TMOD3: variants seen among roughly 807,000 people sequenced by gnomAD.
TMOD3 encodes tropomodulin-3.
In TMOD3, 20 loss-of-function variants were observed where a neutral mutation model predicts 39.2. The ratio of observed to expected loss-of-function variants is 0.51; its 90% confidence interval spans 0.36 to 0.74. The LOEUF (loss-of-function observed/expected upper bound fraction) is 0.74. Ranked by LOEUF, TMOD3 falls within the 30% of genes least tolerant of loss-of-function variation. TMOD3 has a pLI of 0.00. For missense variants in TMOD3, 381 were observed against 412.8 expected, an observed-to-expected ratio of 0.92 and a Z score of 0.67; for synonymous variants, 143 against 145.8, an observed-to-expected ratio of 0.98 and a Z score of 0.14.
At chr15:51,902,158 T>A in intron 9 of TMOD3, 122 bp downstream of exon 9, 1 of 1,154,472 alleles carries the variant, frequency 8.7e-7, no homozygotes, top group South Asian at 1.5e-5. Flanking sequence ...TTCTAAAATC[T>A]GCATGGTCCT....
rs1290218111 is a variant in TMOD3 at position 51,838,158 on chromosome 15, T to C, written c.-75+8322T>C. Among the ~76,000 whole-genome samples the C allele has an allele frequency of 3.7e-4, 57 of 152,156 alleles. 1 individual carries two copies. Among genetic ancestry groups the C allele is most frequent in the Admixed American group, 3.7e-3 (56 of 15,270 alleles). On this transcript the variant is annotated intron_variant, in intron 1 of 9. Coordinates refer to ENST00000308580, the MANE Select transcript of TMOD3 (RefSeq NM_014547.5). ...TTCTTGCCCTGGATTCCCTCCCAGC[T>C]CCAACCTTTTTCAGCCTGTGCTTTG...
chr15:51,895,001 C>CA (rs1414542225), intron 6 of TMOD3, among the ~76,000 whole-genome samples: 1 of 152,126 alleles, frequency 6.6e-6, no homozygotes, highest in African/African-American at 2.4e-5. Flanking sequence ...AAAGTAAACT[C>CA]AAATTATCTA....
chr15:51,855,480 CT>C (rs1446013233), intron 1 of TMOD3, among the ~76,000 whole-genome samples: 5 of 152,220 alleles, frequency 3.3e-5, no homozygotes, highest in African/African-American at 1.2e-4. Flanking sequence ...ATTAAAAATT[CT>C]TAAGCTTTGC....
intron 1 of TMOD3, among the ~76,000 whole-genome samples, chr15:51,853,683 C>T (rs974030755): frequency 1.3e-5 from 2 of 151,588 alleles, no homozygotes; most frequent in African/African-American, 2.4e-5. Flanking sequence ...ATGTCTTATG[C>T]TGGTAGTCCT....
intron 3 of TMOD3, among the ~76,000 whole-genome samples, chr15:51,876,990 G>A (rs988570585): frequency 1.3e-5 from 2 of 152,052 alleles, no homozygotes; most frequent in East Asian, 1.9e-4. Context: ...TTGAGCCTAC[G>A]AGTTCATTGC....
chr15:51,866,274 GCAAGA>G (rs2056444992), intron 2 of TMOD3, among the ~76,000 whole-genome samples: 1 of 152,058 alleles, frequency 6.6e-6, no homozygotes, highest in African/African-American at 2.4e-5. Flanking sequence ...GGGCAACATA[GCAAGA>G]CCTTGCCTCG....
Position 51,893,898 on chromosome 15 carries a change from A to G in TMOD3, c.580A>G (p.Lys194Glu), listed in dbSNP as rs776617317. The G allele has an allele frequency of 2.5e-6, 4 of 1,609,786 alleles. No homozygotes were observed. Among genetic ancestry groups the G allele is most frequent in the Non-Finnish European group, 2.5e-6 (3 of 1,177,682 alleles). ...TGTAGAAGAGAGTTTGAAGAGAACT[A>G]AAGAAAACGATGCTCATCTTGTTGA... ...TNVEESLKRT[K>E]ENDAHLVEVN... is the part of the protein sequence containing the mutation. Residue 194 changes from lysine (K) to glutamate (E), a missense_variant, in exon 6 of 10, where the codon AAA becomes GAA. Transcript: ENST00000308580.
chr15:51,863,523 A>G (rs1444142571), intron 2 of TMOD3, among the ~76,000 whole-genome samples: 5 of 152,270 alleles, frequency 3.3e-5, no homozygotes, highest in African/African-American at 1.2e-4. Flanking sequence ...ACTGTGGAGC[A>G]GACATGAATA....
chr15:51,855,726 T>G (rs1490676528), intron 1 of TMOD3, among the ~76,000 whole-genome samples: 1 of 152,204 alleles, frequency 6.6e-6, no homozygotes, highest in African/African-American at 2.4e-5. Context: ...CATTCAGAAT[T>G]TGTTCCTCTT....
chr15:51,863,611 A>G (rs1488724253), intron 2 of TMOD3, among the ~76,000 whole-genome samples: 1 of 152,170 alleles, frequency 6.6e-6, no homozygotes, highest in African/African-American at 2.4e-5. Flanking sequence ...GACACCCATG[A>G]CCCTTGAATT....
chr15:51,899,738 G>A (rs1251775168), intron 7 of TMOD3, among the ~76,000 whole-genome samples: 1 of 151,914 alleles, frequency 6.6e-6, no homozygotes, highest in Admixed American at 6.5e-5. Flanking sequence ...AAAAATATTT[G>A]GAAAAAAATT....
chr15:51,849,324 C>T (rs911700569), intron 1 of TMOD3, among the ~76,000 whole-genome samples: 1 of 152,088 alleles, frequency 6.6e-6, no homozygotes, highest in Non-Finnish European at 1.5e-5. Context: ...ATTTGAGAAA[C>T]CTGTTAGCCA....
At chr15:51,830,430 C>G (rs564510493) in intron 1 of TMOD3, among the ~76,000 whole-genome samples, 1 of 152,256 alleles carries the variant, frequency 6.6e-6, no homozygotes, top group East Asian at 1.9e-4. Context: ...GTGACTGTGT[C>G]GTTATATTTT....
intron 1 of TMOD3, among the ~76,000 whole-genome samples, chr15:51,837,573 A>C (rs542529122): frequency 1.5e-4 from 23 of 152,194 alleles, no homozygotes; most frequent in African/African-American, 5.3e-4. Context: ...GTTGTCCCTA[A>C]GATTTACAGT....
At chr15:51,830,529 T>G (rs1268064997) in intron 1 of TMOD3, among the ~76,000 whole-genome samples, 4 of 152,204 alleles carry the variant, frequency 2.6e-5, no homozygotes, top group Admixed American at 1.3e-4. Flanking sequence ...TTTTTTTCTT[T>G]TTAATGTTTA....
At chr15:51,886,923 T>C (rs1213374883) in intron 3 of TMOD3, among the ~76,000 whole-genome samples, 2 of 152,128 alleles carry the variant, frequency 1.3e-5, no homozygotes, top group South Asian at 2.1e-4. Flanking sequence ...TGTTGCTTAA[T>C]AATAAGAAAT....
rs2056702113 is a variant in TMOD3, at chr15:51,910,012, A to AT, written c.*1203dup. 1 of 152,258 alleles carries AT rather than the reference A, an allele frequency of 6.6e-6. No individual in the cohort carries two copies. Among genetic ancestry groups the AT allele is most frequent in the African/African-American group, 2.4e-5 (1 of 41,464 alleles). The allele number at this position is 152,258 out of a possible 1,614,324, so 9.4% of individuals were successfully genotyped here. The stretch of plus-strand genomic sequence containing the variant: ...TCAAAGTATTAAGGTGAACAATTGA[A>AT]TAGAGTACTGTGGTCGGGAGACTGA... On this transcript the variant is annotated 3_prime_UTR_variant, in exon 10 of 10. Coordinates refer to ENST00000308580, the MANE Select transcript of TMOD3 (RefSeq NM_014547.5).
intron 1 of TMOD3, chr15:51,860,518 A>T (rs751062554): frequency 3.5e-6 from 2 of 576,656 alleles, no homozygotes; most frequent in South Asian, 1.4e-5. Context: ...CTTTCTGAAG[A>T]CAAGCAGTCT....
Position 51,869,383 on chromosome 15 carries a change from A to G in TMOD3, c.283+10A>G. On this transcript the variant is annotated intron_variant, in intron 3 of 9. Transcript: ENST00000308580. ...ACTGGAGAAAAAAAAGGTAAGCCCCAGAATTTTAAAGTCATTATGTGGTAA... is the reference window on the plus strand; with the variant it reads ...ACTGGAGAAAAAAAAGGTAAGCCCCGGAATTTTAAAGTCATTATGTGGTAA... 1 of 1,608,662 alleles carries G rather than the reference A, an allele frequency of 6.2e-7. No individual in the cohort carries two copies. Among genetic ancestry groups the G allele is most frequent in the Non-Finnish European group, 8.5e-7 (1 of 1,178,746 alleles).
Sources: gnomAD v4.1 joint callset for allele counts (sites outside exome capture counted in the v4.1 genomes callset) on GRCh38, gnomAD v4.1.1 for gene constraint, MANE v1.5 for transcripts, NCBI Gene and HGNC (gene_info 2026-07-23, HGNC 2026-07-21) for gene names.